TMPRSS11E: variants seen among roughly 807,000 people sequenced by gnomAD.
TMPRSS11E encodes the protein transmembrane protease serine 11E.
In TMPRSS11E, 38 loss-of-function variants were observed where a neutral mutation model predicts 48.1. That is an observed-to-expected ratio of 0.79 (90% CI 0.61 to 1.04). The LOEUF (loss-of-function observed/expected upper bound fraction) is 1.04, where lower values mean the gene tolerates loss of function less well. Ranked by LOEUF, TMPRSS11E falls within the 50% of genes least tolerant of loss-of-function variation. TMPRSS11E has a pLI of 0.00. For missense variants in TMPRSS11E, 530 were observed against 510.8 expected (o/e 1.04, Z -0.36); for synonymous variants, 158 against 171.9 (o/e 0.92, Z 0.63).
At chr4:68,463,957 A>G (rs1485766586) in intron 2 of TMPRSS11E, among the ~76,000 whole-genome samples, 4 of 152,184 alleles carry the variant, frequency 2.6e-5, no homozygotes, top group Non-Finnish European at 4.4e-5. Flanking sequence ...CCTCTTCCCA[A>G]GCCAAGTTTT....
chr4:68,472,594 T>C (rs1227495963), intron 5 of TMPRSS11E, among the ~76,000 whole-genome samples: 1 of 151,848 alleles, frequency 6.6e-6, no homozygotes, highest in Non-Finnish European at 1.5e-5. Context: ...AACTACAGAA[T>C]AGGGGACAAG....
At chr4:68,492,517 G>C (rs937767385) in intron 9 of TMPRSS11E, among the ~76,000 whole-genome samples, 12 of 152,136 alleles carry the variant, frequency 7.9e-5, no homozygotes, top group African/African-American at 2.9e-4. Flanking sequence ...GTTTAAAATA[G>C]TCCCCAACTG....
rs765668121 is a variant in TMPRSS11E at position 68,477,515 on chromosome 4, G to T, written c.854G>T (p.Ser285Ile). The T allele has an allele frequency of 3.1e-6, 5 of 1,613,984 alleles. No individual in the cohort carries two copies. The highest frequency in any genetic ancestry group is 4.2e-6 in the Non-Finnish European group (5 of 1,179,948). ...DYDISLAELS[S>I]PVPYTNAVHR... ...GATATTTCTCTTGCAGAGCTTTCTA[G>T]CCCTGTTCCCTACACAAATGCAGTA... Residue 285 changes from serine to isoleucine, a missense_variant, in exon 8 of 10, where the codon AGC becomes ATC. By Grantham distance (142) the Ser-to-Ile change is moderately radical. Coordinates refer to ENST00000305363, the MANE Select transcript of TMPRSS11E (RefSeq NM_014058.4).
In TMPRSS11E at chr4:68,476,265, C is replaced by A; in HGVS notation, c.534C>A (p.Cys178Ter). ...CCCCCCCTCTCTCTTTTGCAGGCTG[C>A]GGAACACGAAGAAGTAAAACTCTAG... ...TETDSYLNHC[C>*]GTRRSKTLGQ... The change falls in exon 7 of 10, where the codon TGC becomes TGA. Residue 178 changes from cysteine (C) to a stop codon, truncating the protein, a stop_gained. Transcript: ENST00000305363. LOFTEE classifies it high-confidence loss of function. 4 of 1,613,878 alleles carry A rather than the reference C, an allele frequency of 2.5e-6. No individual in the cohort carries two copies. Among genetic ancestry groups the A allele is most frequent in the Non-Finnish European group, 3.4e-6 (4 of 1,179,950 alleles).
intron 1 of TMPRSS11E, among the ~76,000 whole-genome samples, chr4:68,450,904 A>G (rs142231064): frequency 2.0e-3 from 300 of 152,052 alleles, no homozygotes; most frequent in Middle Eastern, 3.4e-3. Context: ...CATGGAACTA[A>G]TTCACTGGTC....
intron 1 of TMPRSS11E, among the ~76,000 whole-genome samples, chr4:68,451,880 C>T (rs768306427): frequency 6.6e-6 from 1 of 151,912 alleles, no homozygotes; most frequent in African/African-American, 2.4e-5. Flanking sequence ...AAAGCCTATG[C>T]TCTTAATCAC....
chr4:68,461,423 C>G (rs992466101), intron 1 of TMPRSS11E, among the ~76,000 whole-genome samples: 1 of 151,976 alleles, frequency 6.6e-6, no homozygotes, highest in Non-Finnish European at 1.5e-5. Context: ...TTTTTGTAGC[C>G]CCTGCAGTGT....
chr4:68,456,569 A>G (rs1728637647), intron 1 of TMPRSS11E, among the ~76,000 whole-genome samples: 1 of 152,046 alleles, frequency 6.6e-6, no homozygotes, highest in African/African-American at 2.4e-5. Flanking sequence ...TGTGAGAAGG[A>G]TTAATTATGT....
At chr4:68,456,907 C>T (rs1294894676) in intron 1 of TMPRSS11E, among the ~76,000 whole-genome samples, 1 of 152,146 alleles carries the variant, frequency 6.6e-6, no homozygotes, top group African/African-American at 2.4e-5. Flanking sequence ...AAAATTAACT[C>T]AAGATGGATT....
chr4:68,461,070 A>G (rs948007846), intron 1 of TMPRSS11E, among the ~76,000 whole-genome samples: 9 of 152,016 alleles, frequency 5.9e-5, no homozygotes, highest in African/African-American at 1.9e-4. Context: ...TTTAGTAGAG[A>G]CGGGGTTTCA....
rs1729262028 is a variant in TMPRSS11E, at chr4:68,477,535, G to T, written c.874G>T (p.Ala292Ser). 2 of 1,613,934 alleles carry T rather than the reference G, an allele frequency of 1.2e-6. No homozygotes were observed. The highest frequency in any genetic ancestry group is 3.3e-5 in the Admixed American group (2 of 59,988). ...ELSSPVPYTN[A>S]VHRVCLPDAS... Reference sequence around the variant, plus strand: ...TTCTAGCCCTGTTCCCTACACAAATGCAGTACATAGAGTTTGTCTCCCTGA... The same window carrying T: ...TTCTAGCCCTGTTCCCTACACAAATTCAGTACATAGAGTTTGTCTCCCTGA... The change falls in exon 8 of 10, where the codon GCA (alanine) becomes TCA (serine). Residue 292 changes from alanine (A) to serine (S), a missense_variant. Transcript: ENST00000305363.
intron 9 of TMPRSS11E, among the ~76,000 whole-genome samples, chr4:68,487,290 T>C (rs1729581534): frequency 6.6e-6 from 1 of 152,028 alleles, no homozygotes; most frequent in Non-Finnish European, 1.5e-5. Flanking sequence ...TTTGCTCTTG[T>C]TGCTCAGGCT....
chr4:68,485,566 G>C (rs1421096208), intron 9 of TMPRSS11E, among the ~76,000 whole-genome samples: 1 of 152,122 alleles, frequency 6.6e-6, no homozygotes. Flanking sequence ...TTTTGTTGAG[G>C]ATTTTTGCAT....
At chr4:68,466,530 C>G in intron 2 of TMPRSS11E, 101 bp from the exon 3 acceptor site, 1 of 1,284,228 alleles carries the variant, frequency 7.8e-7, no homozygotes, top group East Asian at 2.3e-5. Context: ...AAGAGCATTC[C>G]TTCCTGTTTC....
At chr4:68,466,454 T>C (rs953586521) in intron 2 of TMPRSS11E, among the ~76,000 whole-genome samples, 177 bp from the exon 3 acceptor site, 1 of 152,114 alleles carries the variant, frequency 6.6e-6, no homozygotes, top group African/African-American at 2.4e-5. Context: ...TGATGATAAA[T>C]GTTGTTGTTT....
Position 68,461,873 on chromosome 4 carries a change from G to A in TMPRSS11E, c.64G>A (p.Gly22Ser). 1.9e-6 allele frequency: 3 copies of A among 1,614,102 alleles called. No individual in the cohort carries two copies. Among genetic ancestry groups the A allele is most frequent in the South Asian group, 2.2e-5 (2 of 91,070 alleles). The change falls in exon 2 of 10, where the codon GGC becomes AGC. Residue 22 changes from glycine (G) to serine (S), a missense_variant. Coordinates refer to ENST00000305363, the MANE Select transcript of TMPRSS11E (RefSeq NM_014058.4). ...AGTTTGTTGGGAACCCTGGGTTATCGGCCTCGTCATCTTCATATCCCTGAT... is the reference window on the plus strand; with the variant it reads ...AGTTTGTTGGGAACCCTGGGTTATCAGCCTCGTCATCTTCATATCCCTGAT... Reference protein sequence around the residue: ...KRVCWEPWVIGLVIFISLIVL... With the variant: ...KRVCWEPWVISLVIFISLIVL...
At chr4:68,462,315 G>T (rs569858217) in intron 2 of TMPRSS11E, among the ~76,000 whole-genome samples, 1 of 151,908 alleles carries the variant, frequency 6.6e-6, no homozygotes, top group East Asian at 1.9e-4. Context: ...AGTGGCTCAC[G>T]CCTGTAATCT....
Position 68,471,440 on chromosome 4 carries a change from T to G in TMPRSS11E, c.327-20T>G. 7.3e-7 allele frequency: 1 copy of G among 1,370,466 alleles called. No individual in the cohort carries two copies. The highest frequency in any genetic ancestry group is 9.5e-7 in the Non-Finnish European group (1 of 1,050,790). 84.9% of individuals were successfully genotyped at this position (1,370,466 alleles called of 1,614,324 possible). A position where few individuals can be genotyped will look rare whatever the true frequency, so the allele number is the denominator to read the frequency against. On this transcript the variant is annotated intron_variant, in intron 4 of 9. Transcript: ENST00000305363. ...TTCTTTTCTTTTCTTTCTTTCATTT[T>G]CTTCTTTTTTGGCCCACAGTCAACA... is the stretch of plus-strand genomic sequence containing the variant.
intron 9 of TMPRSS11E, among the ~76,000 whole-genome samples, chr4:68,490,939 A>G (rs2109721261): frequency 6.6e-6 from 1 of 151,702 alleles, no homozygotes; most frequent in Admixed American, 6.6e-5. Flanking sequence ...TTGTATTTTT[A>G]GTAGAGACGG....
Sources: gnomAD v4.1 joint callset for allele counts (sites outside exome capture counted in the v4.1 genomes callset) on GRCh38, gnomAD v4.1.1 for gene constraint, MANE v1.5 for transcripts, NCBI Gene and HGNC (gene_info 2026-07-23, HGNC 2026-07-21) for gene names.